Variants in CTNND2 observed in about 807,000 individuals in gnomAD.
The protein encoded by CTNND2 is catenin delta 2.
In CTNND2, 22 loss-of-function variants were observed where a neutral mutation model predicts 144.4. The observed-to-expected ratio is 0.15, with a 90% CI of 0.11 to 0.22. The LOEUF is 0.22. Among genes scored for constraint, CTNND2 ranks in the 10% least tolerant of loss-of-function variants. The probability of loss-of-function intolerance (pLI) is 1.00; values close to 1 mark genes in which losing one functional copy is unlikely to be tolerated. For synonymous variants in CTNND2, 751 were observed against 695.6 expected (o/e 1.08, Z -1.25); for missense variants, 1,353 against 1,618.8 (o/e 0.84, Z 2.82).
chr5:11,309,457 A>T (rs1352274774), intron 9 of CTNND2, among the ~76,000 whole-genome samples: 1 of 152,118 alleles, frequency 6.6e-6, no homozygotes, highest in East Asian at 1.9e-4. Flanking sequence ...ACTTGAATGG[A>T]GCCTGTAGCC....
At chr5:11,592,840 C>T (rs982454117) in intron 2 of CTNND2, among the ~76,000 whole-genome samples, 4 of 150,792 alleles carry the variant, frequency 2.7e-5, no homozygotes, top group Non-Finnish European at 4.4e-5. Flanking sequence ...ATCTGGAAGA[C>T]AGCCTACCAG....
chr5:10,995,550 G>A (rs1401833219), intron 18 of CTNND2, among the ~76,000 whole-genome samples: 5 of 152,226 alleles, frequency 3.3e-5, no homozygotes, highest in Admixed American at 6.5e-5. Flanking sequence ...AGTGAGTACA[G>A]ACAAGCCTTT....
intron 1 of CTNND2, among the ~76,000 whole-genome samples, chr5:11,891,895 T>C (rs1040271954): frequency 1.3e-5 from 2 of 152,212 alleles, no homozygotes; most frequent in Non-Finnish European, 2.9e-5. Flanking sequence ...ACAGGGAATA[T>C]AGTATGTTAT....
At chr5:11,350,945 T>C (rs1195538202) in intron 8 of CTNND2, among the ~76,000 whole-genome samples, 1 of 152,178 alleles carries the variant, frequency 6.6e-6, no homozygotes, top group South Asian at 2.1e-4. Context: ...ATTAAGAATT[T>C]TGAAATCAAT....
intron 2 of CTNND2, among the ~76,000 whole-genome samples, chr5:11,658,815 CA>C (rs1351962579): frequency 6.6e-6 from 1 of 152,098 alleles, no homozygotes. Flanking sequence ...AAATGAGTTT[CA>C]AAAAGATGTA....
At chr5:11,425,618 A>G (rs1237734943) in intron 3 of CTNND2, among the ~76,000 whole-genome samples, 1 of 152,146 alleles carries the variant, frequency 6.6e-6, no homozygotes, top group Admixed American at 6.5e-5. Flanking sequence ...TGAAATTCCT[A>G]CTAACGTTCT....
At chr5:11,782,317 A>C (rs1790583150) in intron 1 of CTNND2, among the ~76,000 whole-genome samples, 1 of 152,218 alleles carries the variant, frequency 6.6e-6, no homozygotes, top group Non-Finnish European at 1.5e-5. Flanking sequence ...CAAATGTTTG[A>C]AAACCAGTGC....
chr5:11,120,103 AGTT>A (rs1436424693), intron 12 of CTNND2, among the ~76,000 whole-genome samples: 6 of 152,252 alleles, frequency 3.9e-5, no homozygotes, highest in Non-Finnish European at 8.8e-5. Context: ...AAATTTAAAA[AGTT>A]ATTAATTGGC....
At chr5:11,655,968 T>C (rs1324467942) in intron 2 of CTNND2, among the ~76,000 whole-genome samples, 1 of 151,912 alleles carries the variant, frequency 6.6e-6, no homozygotes, top group Non-Finnish European at 1.5e-5. Flanking sequence ...AATGGTGTCA[T>C]AAATGTTGCA....
chr5:11,363,013 C>T (rs551898860), intron 8 of CTNND2, among the ~76,000 whole-genome samples: 1 of 152,294 alleles, frequency 6.6e-6, no homozygotes, highest in East Asian at 1.9e-4. Context: ...ATATAATTTT[C>T]ACATATTACA....
At chr5:11,715,425 CTGATGAATTTTTCAAT>C (rs1786297680) in intron 2 of CTNND2, among the ~76,000 whole-genome samples, 1 of 152,184 alleles carries the variant, frequency 6.6e-6, no homozygotes, top group African/African-American at 2.4e-5. Context: ...TGGGCACATT[CTGATGAATTTTTCAAT>C]GTATTCTCCA....
intron 21 of CTNND2, among the ~76,000 whole-genome samples, chr5:10,978,783 A>C (rs57399068): frequency 0.1 from 15,770 of 152,162 alleles, 921 homozygotes; most frequent in East Asian, 0.21. Flanking sequence ...CATTCTGGAG[A>C]CCTCTGGGAG....
chr5:11,162,440 T>C (rs994256959), intron 11 of CTNND2, among the ~76,000 whole-genome samples: 4 of 152,162 alleles, frequency 2.6e-5, no homozygotes, highest in Admixed American at 6.5e-5. Flanking sequence ...ATTAGTTAAT[T>C]AGTGTAACCT....
At chr5:11,111,660 G>C (rs867870193) in intron 13 of CTNND2, among the ~76,000 whole-genome samples, 2 of 152,286 alleles carry the variant, frequency 1.3e-5, no homozygotes, top group South Asian at 2.1e-4. Flanking sequence ...TGTGGAGCCA[G>C]ACACCTGTAG....
intron 10 of CTNND2, among the ~76,000 whole-genome samples, chr5:11,206,888 C>T (rs1350775149): frequency 2.0e-5 from 3 of 152,198 alleles, no homozygotes; most frequent in Non-Finnish European, 4.4e-5. Context: ...TTAAAGGCTA[C>T]ACTTACACTT....
At chr5:11,387,053 C>CT (rs1259821530) in intron 6 of CTNND2, among the ~76,000 whole-genome samples, 3 of 151,888 alleles carry the variant, frequency 2.0e-5, no homozygotes, top group Non-Finnish European at 4.4e-5. Flanking sequence ...TCCAAGGGTG[C>CT]TTTTAAAAAA....
intron 9 of CTNND2, among the ~76,000 whole-genome samples, chr5:11,241,784 G>A (rs1431990204): frequency 2.0e-5 from 3 of 152,062 alleles, no homozygotes; most frequent in South Asian, 2.1e-4. Flanking sequence ...GGATCATTTC[G>A]GCCAGAATTC....
chr5:11,261,889 A>G (rs1316382327), intron 9 of CTNND2, among the ~76,000 whole-genome samples: 2 of 152,240 alleles, frequency 1.3e-5, no homozygotes, highest in African/African-American at 4.8e-5. Flanking sequence ...AAACAACTCA[A>G]TGACTACTCA....
At chr5:11,560,511 C>G (rs1776599756) in intron 3 of CTNND2, among the ~76,000 whole-genome samples, 1 of 152,160 alleles carries the variant, frequency 6.6e-6, no homozygotes, top group Non-Finnish European at 1.5e-5. Context: ...AAATTTTCAT[C>G]AACACTTGGA....
Sources: allele counts gnomAD v4.1 joint callset (sites outside exome capture counted in the v4.1 genomes callset), GRCh38; gene constraint gnomAD v4.1.1; transcripts MANE v1.5; gene names NCBI Gene and HGNC (gene_info 2026-07-23, HGNC 2026-07-21).